The following DMPK variants were observed in gnomAD, a reference collection of about 807,000 sequenced individuals.
DMPK encodes DM1 protein kinase, also known as myotonin-protein kinase.
Under a neutral mutation model 70.3 loss-of-function variants are expected in DMPK, and 32 were observed. The ratio of observed to expected loss-of-function variants is 0.46; its 90% CI spans 0.34 to 0.61. The LOEUF is 0.61. Among genes scored for constraint, DMPK ranks in the 20% least tolerant of loss-of-function variants. DMPK has a pLI of 0.01. For missense variants in DMPK, 899 were observed against 886.0 expected, an observed-to-expected ratio of 1.01 and a Z score of -0.19; for synonymous variants, 469 against 390.9, an observed-to-expected ratio of 1.20 and a Z score of -2.36.
intron 4 of DMPK, 56 bp from the exon 5 acceptor site, chr19:45,778,697 C>T (rs1466165544): frequency 2.2e-5 from 35 of 1,571,464 alleles, no homozygotes; most frequent in Admixed American, 5.3e-5. Flanking sequence ...TGATCCATCA[C>T]GGATGGCTGG....
chr19:45,770,888 C>T, intron 14 of DMPK, 83 bp downstream of exon 14: 5 of 1,156,748 alleles, frequency 4.3e-6, no homozygotes, highest in Non-Finnish European at 5.8e-6. Context: ...CCCAGCCCCG[C>T]AAATGCGCAG....
At chr19:45,774,454 G>T (rs1037653941) in intron 9 of DMPK, among the ~76,000 whole-genome samples, 2 of 151,464 alleles carry the variant, frequency 1.3e-5, no homozygotes, top group Non-Finnish European at 2.9e-5. Context: ...AGTAGAGACG[G>T]GGTTTCACCG....
At chr19:45,771,503 C>T (rs1356407829) in intron 12 of DMPK, 65 bp downstream of exon 12, 1 of 1,611,148 alleles carries the variant, frequency 6.2e-7, no homozygotes, top group Non-Finnish European at 8.5e-7. Context: ...TCTATACACG[C>T]CCCGCGGAGC....
At chr19:45,772,577 G>T in intron 10 of DMPK, 64 bp downstream of exon 10, 2 of 1,102,564 alleles carry the variant, frequency 1.8e-6, no homozygotes, top group South Asian at 1.6e-5. Context: ...CACGCCACCC[G>T]GGAAGCCCTC....
chr19:45,770,760 A>G, intron 14 of DMPK, 120 bp from the exon 15 acceptor site: 1 of 1,233,722 alleles, frequency 8.1e-7, no homozygotes, highest in Non-Finnish European at 1.1e-6. Flanking sequence ...CCGCCCCAAC[A>G]GCCTACAGCT....
chr19:45,771,053 C>T lies in DMPK; in HGVS notation c.1655G>A (p.Gly552Asp). The stretch of plus-strand genomic sequence containing the variant: ...CTGGCCCACAGCCACGGCCGGGGGG[C>T]CATCTAGCTGGAGAGAGAAGGGACA... ...RATDPPSHLD[G>D]PPAVAVGQCP... The change falls in exon 14 of 15, where the codon GGC (glycine) becomes GAC (aspartate). Residue 552 changes from glycine (G) to aspartate (D), a missense_variant. This residue lies in a region of DMPK where 555 missense variants were observed against 483.8 expected (regional missense o/e 1.15). Transcript: ENST00000291270. 2.0e-6 allele frequency: 3 copies of T among 1,519,068 alleles called. No homozygotes were observed. Among genetic ancestry groups the T allele is most frequent in the Non-Finnish European group, 1.8e-6 (2 of 1,134,874 alleles). The allele number at this position is 1,519,068 out of a possible 1,614,324, so 94.1% of individuals were successfully genotyped here.
chr19:45,771,496 A>C lies in DMPK; in HGVS notation c.1600+72T>G. ...GGTCCCTTCCCTCCTCCAGGTGTCT[A>C]TACACGCCCCGCGGAGCAGACGGCC... is the stretch of plus-strand genomic sequence containing the variant. On this transcript the variant is annotated intron_variant, in intron 12 of 14. Coordinates refer to ENST00000291270, the MANE Select transcript of DMPK (RefSeq NM_004409.5). The C allele has an allele frequency of 5.0e-6, 8 of 1,610,748 alleles. No individual in the cohort carries two copies. The South Asian group carries it at 8.8e-5, about 18-fold the overall frequency.
Position 45,774,258 on chromosome 19 carries a change from AAT to A in DMPK, c.1232+689_1232+690del, listed in dbSNP as rs1455933965. Among the ~76,000 whole-genome samples, 3 of 140,046 alleles carry A rather than the reference AAT, an allele frequency of 2.1e-5. No homozygotes were observed. In the East Asian group the frequency reaches 6.5e-4, roughly 30 times the overall value. The allele number at this position is 140,046 out of a possible 152,430, so 91.9% of individuals were successfully genotyped here. A position where few individuals can be genotyped will look rare whatever the true frequency, so the allele number is the denominator to read the frequency against. ...TGAGCCACCACACCCGGCCTAAATA[AAT>A]ACTTTTTTTTTTTTTTTTTTGAGAC... On this transcript the variant is annotated intron_variant, in intron 9 of 14. Transcript: ENST00000291270.
At chr19:45,778,378 C>G in intron 5 of DMPK, 115 bp downstream of exon 5, 2 of 1,428,790 alleles carry the variant, frequency 1.4e-6, no homozygotes, top group Non-Finnish European at 1.9e-6. Flanking sequence ...AGGCACCCCC[C>G]GGTGGGCCCC....
rs1411918850 is a variant in DMPK, at chr19:45,777,180, G to A, written c.1146+147C>T. On this transcript the variant is annotated intron_variant, in intron 8 of 14. Coordinates refer to ENST00000291270, the MANE Select transcript of DMPK (RefSeq NM_004409.5). The surrounding 1 kb of genome is among the most constrained non-coding windows in gnomAD (Gnocchi z 6.7). ...TGGACTGTAAGTCTAGGTCACTGCT[G>A]GGTCCTCAGTAGTAGATGGGCACAG... 3.5e-6 allele frequency: 4 copies of A among 1,152,258 alleles called. No individual in the cohort carries two copies. The African/African-American group carries it at 6.2e-5, about 18-fold the overall frequency. The allele number at this position is 1,152,258 out of a possible 1,614,324, so 71.4% of individuals were successfully genotyped here. A position where few individuals can be genotyped will look rare whatever the true frequency, so the allele number is the denominator to read the frequency against.
chr19:45,770,392 G>C lies in DMPK; in HGVS notation c.*96C>G, dbSNP rs928166097. On this transcript the variant is annotated 3_prime_UTR_variant, in exon 15 of 15. Coordinates refer to ENST00000291270, the MANE Select transcript of DMPK (RefSeq NM_004409.5). ...CTGGGCGGAGACCCACGCTCGGAGC[G>C]GTTGTGAACTGGCAGGCGGTGGGCG... The C allele has an allele frequency of 4.9e-6, 7 of 1,436,548 alleles. No homozygotes were observed. In the African/African-American group the frequency reaches 9.9e-5, roughly 20 times the overall value. 89.0% of individuals were successfully genotyped at this position (1,436,548 alleles called of 1,614,324 possible).
Position 45,771,040 on chromosome 19 carries a change from C to T in DMPK, c.1668G>A (p.Val556=), listed in dbSNP as rs767886001. 9.3e-6 allele frequency: 14 copies of T among 1,509,308 alleles called. No homozygotes were observed. The East Asian group carries it at 3.1e-4, about 33-fold the overall frequency. The allele number at this position is 1,509,308 out of a possible 1,614,324, so 93.5% of individuals were successfully genotyped here. Residue 556 remains valine, a synonymous_variant, in exon 14 of 15, where the codon GTG becomes GTA. Coordinates refer to ENST00000291270, the MANE Select transcript of DMPK (RefSeq NM_004409.5). ...PPSHLDGPPA[V]AVGQCPLVGP... ...CCACCAGCGGGCACTGGCCCACAGC[C>T]ACGGCCGGGGGGCCATCTAGCTGGA...
Position 45,772,091 on chromosome 19 carries a change from C to T in DMPK, c.1345-163G>A, listed in dbSNP as rs368808213. 7.2e-4 allele frequency among the ~76,000 whole-genome samples: 110 copies of T among 152,314 alleles called. 3 individuals are homozygous for T. The highest frequency in any genetic ancestry group is 2.5e-3 in the African/African-American group (104 of 41,564). On this transcript the variant is annotated intron_variant, in intron 10 of 14. Transcript: ENST00000291270. ...TGCAATGATCCAAGCCCCCTCCCTT[C>T]CCTACCTCCCTCAGCCCCATCCCTG...
In DMPK at chr19:45,772,031, C is replaced by T. The variant is rs140836596; in HGVS notation, c.1345-103G>A. On this transcript the variant is annotated intron_variant, in intron 10 of 14. Coordinates refer to ENST00000291270, the MANE Select transcript of DMPK (RefSeq NM_004409.5). ...AATCCTTGTTTATCCCCTACTCCTC[C>T]GTCCCCTCAACATTTCTGGAATCCC... The T allele has an allele frequency of 1.4e-4, 197 of 1,394,048 alleles. 1 individual carries two copies. The East Asian group carries it at 4.4e-3, about 31-fold the overall frequency. The allele number at this position is 1,394,048 out of a possible 1,614,324, so 86.4% of individuals were successfully genotyped here. A position where few individuals can be genotyped will look rare whatever the true frequency, so the allele number is the denominator to read the frequency against.
chr19:45,779,914 G>A, intron 1 of DMPK, 45 bp from the exon 2 acceptor site: 1 of 1,613,558 alleles, frequency 6.2e-7, no homozygotes, highest in Non-Finnish European at 8.5e-7. Context: ...ACCAGAAAGG[G>A]CACTGGAGAC....
intron 9 of DMPK, among the ~76,000 whole-genome samples, chr19:45,774,111 G>A (rs1043200567): frequency 2.6e-5 from 4 of 151,518 alleles, no homozygotes; most frequent in South Asian, 2.1e-4. Flanking sequence ...ATGCCACCAC[G>A]CCTGGCTAAT....
intron 1 of DMPK, 113 bp from the exon 2 acceptor site, chr19:45,779,982 C>T (rs1364526081): frequency 6.4e-7 from 1 of 1,570,292 alleles, no homozygotes; most frequent in Non-Finnish European, 8.6e-7. Flanking sequence ...TCAGCTTCAC[C>T]CTAGGACTGT....
chr19:45,769,945 AG>A lies in DMPK; in HGVS notation c.*542del, dbSNP rs1464214598. 12 of 310,312 alleles carry A rather than the reference AG, an allele frequency of 3.9e-5. No individual in the cohort carries two copies. Among genetic ancestry groups the A allele is most frequent in the South Asian group, 3.9e-4 (12 of 31,134 alleles). 19.2% of individuals were successfully genotyped at this position (310,312 alleles called of 1,614,324 possible). A position where few individuals can be genotyped will look rare whatever the true frequency, so the allele number is the denominator to read the frequency against. On this transcript the variant is annotated 3_prime_UTR_variant, in exon 15 of 15. Coordinates refer to ENST00000291270, the MANE Select transcript of DMPK (RefSeq NM_004409.5). ...GGCTCCGAGAGCAGCGCAAGTGAGG[AG>A]GGGGGCGCGGGATCCCCGAAAAAGC...
chr19:45,781,628 G>A (rs1472356507), intron 1 of DMPK, among the ~76,000 whole-genome samples: 1 of 152,208 alleles, frequency 6.6e-6, no homozygotes. Flanking sequence ...GGGGGCACTG[G>A]TGGCGCCTGT....
Sources: gnomAD v4.1 joint callset for allele counts (sites outside exome capture counted in the v4.1 genomes callset) on GRCh38, gnomAD v4.1.1 for gene constraint, gnomAD v4.1.1 regional missense constraint, Gnocchi (gnomAD v3.1) non-coding constraint, MANE v1.5 for transcripts, NCBI Gene and HGNC (gene_info 2026-07-23, HGNC 2026-07-21) for gene names.